The following SLC2A1 variants were observed in gnomAD, a reference collection of about 807,000 sequenced individuals.
The protein encoded by SLC2A1 is solute carrier family 2 member 1, also known as solute carrier family 2, facilitated glucose transporter member 1.
SLC2A1 carries 4 observed loss-of-function variants against 46.6 expected under a neutral mutation model. The ratio of observed to expected loss-of-function variants is 0.09; its 90% CI spans 0.04 to 0.20. The LOEUF is 0.20. Ranked by LOEUF, SLC2A1 falls within the 10% of genes least tolerant of loss-of-function variation. The pLI is 1.00. For synonymous variants in SLC2A1, 253 were observed against 270.0 expected (o/e 0.94, Z 0.62); for missense variants, 352 against 667.0 (o/e 0.53, Z 5.20).
At chr1:42,937,448 C>T (rs1195442765) in intron 2 of SLC2A1, among the ~76,000 whole-genome samples, 1 of 152,246 alleles carries the variant, frequency 6.6e-6, no homozygotes, top group Non-Finnish European at 1.5e-5. Context: ...AGACCACACA[C>T]TGCCAGCTAG....
chr1:42,935,534 C>T (rs1401476475), intron 2 of SLC2A1, among the ~76,000 whole-genome samples: 1 of 152,208 alleles, frequency 6.6e-6, no homozygotes, highest in Non-Finnish European at 1.5e-5. Context: ...AAGAAGTCAC[C>T]ACTTTCGGAG....
At chr1:42,958,115 G>A (rs559195939) in intron 1 of SLC2A1, among the ~76,000 whole-genome samples, 7 of 152,122 alleles carry the variant, frequency 4.6e-5, no homozygotes, top group African/African-American at 9.7e-5. Flanking sequence ...GCACCAGGCC[G>A]CCCACCTACA....
At position 42,943,250 on chromosome 1, in the gene SLC2A1, A is replaced by G. The variant is rs914319073; in HGVS notation, c.90T>C (p.Thr30=). Residue 30 remains threonine, a synonymous_variant, in exon 2 of 10, where the codon ACT becomes ACC. Transcript: ENST00000426263. ...CCTTCTGGGGGGCATTGATGACTCC[A>G]GTGTTGTAGCCAAACTGCAGGGAGC... ...VLGSLQFGYN[T]GVINAPQKVI... 1.2e-6 allele frequency: 2 copies of G among 1,613,464 alleles called. No individual in the cohort carries two copies. Among genetic ancestry groups the G allele is most frequent in the African/African-American group, 2.7e-5 (2 of 74,934 alleles).
At chr1:42,953,944 C>T (rs772339285) in intron 1 of SLC2A1, among the ~76,000 whole-genome samples, 4 of 152,156 alleles carry the variant, frequency 2.6e-5, no homozygotes, top group Admixed American at 6.6e-5. Flanking sequence ...ATTTAGGGCA[C>T]GGGGCCAGTC....
intron 1 of SLC2A1, among the ~76,000 whole-genome samples, chr1:42,945,369 C>T (rs1404652649): frequency 6.7e-6 from 1 of 148,632 alleles, no homozygotes; most frequent in African/African-American, 2.5e-5. Context: ...GACTCTGTCC[C>T]AAAAAACAAA....
At chr1:42,943,663 G>A (rs1422291533) in intron 1 of SLC2A1, among the ~76,000 whole-genome samples, 1 of 152,122 alleles carries the variant, frequency 6.6e-6, no homozygotes, top group Non-Finnish European at 1.5e-5. Context: ...TAGACTCTCT[G>A]ACTGGGAGGC....
intron 2 of SLC2A1, among the ~76,000 whole-genome samples, chr1:42,932,432 C>T (rs545691043): frequency 1.3e-5 from 2 of 152,290 alleles, no homozygotes; most frequent in South Asian, 2.1e-4. Context: ...TTCTTATGCA[C>T]GTATACCATC....
At chr1:42,940,418 G>A (rs953284802) in intron 2 of SLC2A1, among the ~76,000 whole-genome samples, 17 of 152,310 alleles carry the variant, frequency 1.1e-4, no homozygotes, top group African/African-American at 3.6e-4. Flanking sequence ...GACAGGCACC[G>A]TTCTAGGCAC....
Position 42,938,904 on chromosome 1 carries a change from CT to C in SLC2A1, c.114+4321del, listed in dbSNP as rs571999546. ...TGCTCTCACAGCACCTTGAAGCCCTCTGTTAGTGACACTCTGGCTTTCTCCA... is the reference window on the plus strand; with the variant it reads ...TGCTCTCACAGCACCTTGAAGCCCTCGTTAGTGACACTCTGGCTTTCTCCA... On this transcript the variant is annotated intron_variant, in intron 2 of 9. Coordinates refer to ENST00000426263, the MANE Select transcript of SLC2A1 (RefSeq NM_006516.4). Among the ~76,000 whole-genome samples the C allele has an allele frequency of 2.6e-5, 4 of 152,364 alleles. No homozygotes were observed. The East Asian group carries it at 7.7e-4, about 29-fold the overall frequency.
rs1253340181 is a variant in SLC2A1, at chr1:42,929,263, C to A, written c.919G>T (p.Val307Leu). ...ATACCGGAGCCAATGGTGGCATACACAGGCTGCTGCACCCCCGCCTTCTCG... is the reference window on the plus strand; with the variant it reads ...ATACCGGAGCCAATGGTGGCATACAAAGGCTGCTGCACCCCCGCCTTCTCG... Reference protein sequence around the residue: ...IFEKAGVQQPVYATIGSGIVN... With the variant: ...IFEKAGVQQPLYATIGSGIVN... Residue 307 changes from valine (V) to leucine (L), a missense_variant, in exon 7 of 10, where the codon GTG becomes TTG. Coordinates refer to ENST00000426263, the MANE Select transcript of SLC2A1 (RefSeq NM_006516.4). The surrounding 1 kb of genome is among the most constrained non-coding windows in gnomAD (Gnocchi z 6.0). 6.2e-7 allele frequency: 1 copy of A among 1,614,094 alleles called. No homozygotes were observed. Among genetic ancestry groups the A allele is most frequent in the East Asian group, 2.2e-5 (1 of 44,872 alleles).
chr1:42,950,927 A>G (rs1374865626), intron 1 of SLC2A1, among the ~76,000 whole-genome samples: 1 of 152,218 alleles, frequency 6.6e-6, no homozygotes, highest in African/African-American at 2.4e-5. Flanking sequence ...GTGAGCCGAG[A>G]TCGCGCCATT....
chr1:42,953,942 C>G (rs1192013578), intron 1 of SLC2A1, among the ~76,000 whole-genome samples: 1 of 152,168 alleles, frequency 6.6e-6, no homozygotes, highest in Non-Finnish European at 1.5e-5. Context: ...TAATTTAGGG[C>G]ACGGGGCCAG....
intron 1 of SLC2A1, among the ~76,000 whole-genome samples, chr1:42,955,760 G>C (rs960764671): frequency 6.6e-6 from 1 of 152,186 alleles, no homozygotes; most frequent in African/African-American, 2.4e-5. Flanking sequence ...CGAAGGGTGG[G>C]GTGAGACATC....
At chr1:42,950,839 G>C (rs1643712635) in intron 1 of SLC2A1, among the ~76,000 whole-genome samples, 1 of 152,084 alleles carries the variant, frequency 6.6e-6, no homozygotes, top group African/African-American at 2.4e-5. Context: ...CTGGGCGTGG[G>C]GGGCGCGCGC....
At chr1:42,952,569 G>T in intron 1 of SLC2A1, 1 of 335,158 alleles carries the variant, frequency 3.0e-6, no homozygotes, top group Admixed American at 3.7e-5. Flanking sequence ...ACAGCACACA[G>T]GGCTGTGGGA....
rs77563510 is a variant in SLC2A1 at position 42,951,671 on chromosome 1, T to G, written c.18+6963A>C. 7.1e-3 allele frequency: 2,818 copies of G among 396,304 alleles called. 82 individuals are homozygous for G. The highest frequency in any genetic ancestry group is 0.051 in the African/African-American group (2,508 of 48,700). The allele number at this position is 396,304 out of a possible 1,614,324, so 24.5% of individuals were successfully genotyped here. A position where few individuals can be genotyped will look rare whatever the true frequency, so the allele number is the denominator to read the frequency against. ...AGTTGGCTCTGTAACTTCTGAAGCT[T>G]TTTTTTAATCCAATTTTTTTTCCAG... On this transcript the variant is annotated intron_variant, in intron 1 of 9. Transcript: ENST00000426263.
intron 2 of SLC2A1, among the ~76,000 whole-genome samples, chr1:42,933,871 C>G (rs1328299289): frequency 6.6e-6 from 1 of 152,180 alleles, no homozygotes; most frequent in African/African-American, 2.4e-5. Context: ...CCTTGGGGCT[C>G]TCTCCAGGGG....
chr1:42,928,911 C>A (rs755034714), intron 8 of SLC2A1, 21 bp downstream of exon 8: 1 of 1,607,578 alleles, frequency 6.2e-7, no homozygotes, highest in Non-Finnish European at 8.5e-7. Context: ...ATCCCTCACT[C>A]TCCAGAACCT....
chr1:42,947,461 G>A (rs767455464), intron 1 of SLC2A1, among the ~76,000 whole-genome samples: 1 of 151,874 alleles, frequency 6.6e-6, no homozygotes, highest in East Asian at 1.9e-4. Context: ...GGGGCAGGAC[G>A]CGGTGATCCC....
Sources: gnomAD v4.1 joint callset for allele counts (sites outside exome capture counted in the v4.1 genomes callset) on GRCh38, gnomAD v4.1.1 for gene constraint, Gnocchi (gnomAD v3.1) non-coding constraint, MANE v1.5 for transcripts, NCBI Gene and HGNC (gene_info 2026-07-23, HGNC 2026-07-21) for gene names.